The following PPP2R3A variants were observed in gnomAD, a reference collection of about 807,000 sequenced individuals.
PPP2R3A encodes protein phosphatase 2 regulatory subunit B''alpha.
A neutral mutation model predicts 106.9 loss-of-function variants in PPP2R3A; 80 were observed. The observed-to-expected ratio is 0.75, with a 90% confidence interval of 0.62 to 0.90. The LOEUF (loss-of-function observed/expected upper bound fraction) is 0.90, where lower values mean the gene tolerates loss of function less well. PPP2R3A is among the 40% of genes least tolerant of loss of function. The pLI is 0.00. For synonymous variants in PPP2R3A, 483 were observed against 468.3 expected (o/e 1.03, Z -0.41); for missense variants, 1,386 against 1,350.4 (o/e 1.03, Z -0.41).
rs979193721 is a variant in PPP2R3A at position 135,965,747 on chromosome 3, T to TCACG, written c.-541_-538dup. On this transcript the variant is annotated 5_prime_UTR_variant, in exon 1 of 14. Coordinates refer to ENST00000264977, the MANE Select transcript of PPP2R3A (RefSeq NM_002718.5). ...CGGGGCGCGCTCGGGCCTCCGCTCTTCACGCGCCGCATTCGTAGCCCGAGA... is the reference window on the plus strand; with the variant it reads ...CGGGGCGCGCTCGGGCCTCCGCTCTTCACGCACGCGCCGCATTCGTAGCCCGAGA... 1 of 152,076 alleles carries TCACG rather than the reference T, an allele frequency of 6.6e-6. No individual in the cohort carries two copies. The highest frequency in any genetic ancestry group is 2.4e-5 in the African/African-American group (1 of 41,324). 9.4% of individuals were successfully genotyped at this position (152,076 alleles called of 1,614,324 possible). A position where few individuals can be genotyped will look rare whatever the true frequency, so the allele number is the denominator to read the frequency against.
intron 3 of PPP2R3A, among the ~76,000 whole-genome samples, chr3:136,030,822 G>GTA (rs1301550667): frequency 7.2e-6 from 1 of 137,978 alleles, no homozygotes; most frequent in Non-Finnish European, 1.5e-5. Flanking sequence ...ATGTATGTAT[G>GTA]TATACACACA....
chr3:136,074,858 A>G (rs907285908), intron 6 of PPP2R3A, among the ~76,000 whole-genome samples: 3 of 152,132 alleles, frequency 2.0e-5, no homozygotes, highest in African/African-American at 7.2e-5. Context: ...TTTTCCTCTT[A>G]AGAGAGAAAA....
chr3:136,073,594 G>A (rs1936508287), intron 6 of PPP2R3A, among the ~76,000 whole-genome samples: 5 of 152,092 alleles, frequency 3.3e-5, no homozygotes, highest in Admixed American at 2.0e-4. Flanking sequence ...ACTCAAAACA[G>A]CACCATAACA....
At chr3:136,140,732 G>A (rs898408494) in intron 13 of PPP2R3A, among the ~76,000 whole-genome samples, 1 of 142,762 alleles carries the variant, frequency 7.0e-6, no homozygotes, top group Non-Finnish European at 1.5e-5. Context: ...TGGGCAACAA[G>A]AACAAAACTC....
At chr3:136,000,482 A>T (rs1235932757) in intron 1 of PPP2R3A, among the ~76,000 whole-genome samples, 1 of 152,198 alleles carries the variant, frequency 6.6e-6, no homozygotes, top group Non-Finnish European at 1.5e-5. Context: ...TGGGATCAAG[A>T]TCAGTAATGA....
chr3:135,990,682 G>A (rs766257975), intron 1 of PPP2R3A, among the ~76,000 whole-genome samples: 22 of 152,058 alleles, frequency 1.4e-4, no homozygotes, highest in Non-Finnish European at 2.1e-4. Flanking sequence ...GTTAGATCCC[G>A]CTCACAGTTT....
chr3:136,057,583 T>C (rs1935914893), intron 5 of PPP2R3A, among the ~76,000 whole-genome samples: 1 of 152,162 alleles, frequency 6.6e-6, no homozygotes, highest in African/African-American at 2.4e-5. Flanking sequence ...ACACTTAAAA[T>C]GGTAAATGTG....
chr3:136,069,471 A>G (rs1402323003), intron 5 of PPP2R3A, among the ~76,000 whole-genome samples: 1 of 152,128 alleles, frequency 6.6e-6, no homozygotes, highest in Non-Finnish European at 1.5e-5. Flanking sequence ...CAGCTACTCA[A>G]GAGGCTGAGG....
intron 3 of PPP2R3A, among the ~76,000 whole-genome samples, chr3:136,035,277 T>C (rs1935047509): frequency 6.6e-6 from 1 of 152,186 alleles, no homozygotes; most frequent in Non-Finnish European, 1.5e-5. Flanking sequence ...CTGTATATCT[T>C]GGTTTTTTGT....
intron 2 of PPP2R3A, among the ~76,000 whole-genome samples, chr3:136,023,499 T>C (rs192347046): frequency 1.3e-5 from 2 of 152,234 alleles, no homozygotes; most frequent in Non-Finnish European, 2.9e-5. Flanking sequence ...TTAATGAACA[T>C]TTTACAATTT....
In PPP2R3A at chr3:136,001,493, G is replaced by A. The variant is rs201473285; in HGVS notation, c.-6G>A. On this transcript the variant is annotated 5_prime_UTR_variant, in exon 2 of 14. Coordinates refer to ENST00000264977, the MANE Select transcript of PPP2R3A (RefSeq NM_002718.5). The stretch of plus-strand genomic sequence containing the variant: ...CCAAGTCCCACCAGTAAGTGGATTT[G>A]ATATTATGGCAGCAACTTACAGACT... The A allele has an allele frequency of 1.9e-6, 3 of 1,606,706 alleles. No individual in the cohort carries two copies. The highest frequency in any genetic ancestry group is 2.6e-6 in the Non-Finnish European group (3 of 1,175,064).
chr3:136,080,874 G>A (rs1182668790), intron 7 of PPP2R3A, among the ~76,000 whole-genome samples: 1 of 152,056 alleles, frequency 6.6e-6, no homozygotes, highest in Non-Finnish European at 1.5e-5. Context: ...AATTTATGTT[G>A]TTGTTAGTTT....
chr3:135,993,072 AG>A (rs1244329247), intron 1 of PPP2R3A, among the ~76,000 whole-genome samples: 1 of 152,196 alleles, frequency 6.6e-6, no homozygotes, highest in Non-Finnish European at 1.5e-5. Flanking sequence ...TAACTATAAA[AG>A]AAAAAATGAT....
At chr3:136,053,622 C>T (rs1281546679) in intron 5 of PPP2R3A, among the ~76,000 whole-genome samples, 1 of 152,204 alleles carries the variant, frequency 6.6e-6, no homozygotes, top group Non-Finnish European at 1.5e-5. Context: ...TATTCACAAG[C>T]ATAAACACAC....
At chr3:136,076,791 C>T (rs2107920063) in intron 6 of PPP2R3A, among the ~76,000 whole-genome samples, 1 of 152,044 alleles carries the variant, frequency 6.6e-6, no homozygotes, top group South Asian at 2.1e-4. Flanking sequence ...AACTAAAAAA[C>T]AAAAAATTAG....
intron 13 of PPP2R3A, among the ~76,000 whole-genome samples, chr3:136,132,024 G>T (rs536236551): frequency 6.0e-5 from 9 of 150,992 alleles, no homozygotes; most frequent in South Asian, 2.1e-4. Flanking sequence ...GGGTGGGGGG[G>T]GCTGGGGGAG....
chr3:135,968,405 G>A (rs1483777025), intron 1 of PPP2R3A, among the ~76,000 whole-genome samples: 1 of 152,174 alleles, frequency 6.6e-6, no homozygotes, highest in African/African-American at 2.4e-5. Context: ...GGACGGTGAA[G>A]GATTAACAGG....
intron 3 of PPP2R3A, among the ~76,000 whole-genome samples, chr3:136,038,091 C>G (rs1220793462): frequency 6.6e-6 from 1 of 152,146 alleles, no homozygotes; most frequent in Non-Finnish European, 1.5e-5. Context: ...CTCCTGGCTC[C>G]TTTTACCTTA....
intron 2 of PPP2R3A, among the ~76,000 whole-genome samples, chr3:136,015,008 G>A (rs187661336): frequency 2.0e-3 from 304 of 152,064 alleles, no homozygotes; most frequent in African/African-American, 6.9e-3. Context: ...CTTCTATGCC[G>A]ATTTTGCTGA....
Sources: allele counts gnomAD v4.1 joint callset (sites outside exome capture counted in the v4.1 genomes callset), GRCh38; gene constraint gnomAD v4.1.1; transcripts MANE v1.5; gene names NCBI Gene and HGNC (gene_info 2026-07-23, HGNC 2026-07-21).